The following ERC1 variants were observed in gnomAD, a reference collection of about 807,000 sequenced individuals.
The protein encoded by ERC1 is ELKS/RAB6-interacting/CAST family member 1.
ERC1 carries 56 observed loss-of-function variants against 132.0 expected under a neutral mutation model. That is an observed-to-expected ratio of 0.42 (90% CI 0.34 to 0.53). The LOEUF (loss-of-function observed/expected upper bound fraction) is 0.53, where lower values mean the gene tolerates loss of function less well. ERC1 is among the 20% of genes least tolerant of loss of function. ERC1 has a pLI of 0.03. For missense variants in ERC1, 1,202 were observed against 1,349.9 expected, an observed-to-expected ratio of 0.89 and a Z score of 1.72; for synonymous variants, 478 against 476.1, an observed-to-expected ratio of 1.00 and a Z score of -0.05.
chr12:1,400,916 A>ATTATTATT (rs2090981093), intron 16 of ERC1, among the ~76,000 whole-genome samples: 4 of 15,058 alleles, frequency 2.7e-4, no homozygotes, highest in African/African-American at 3.1e-4. Flanking sequence ...CTATTTTTGT[A>ATTATTATT]TTTTTTTTTT....
At chr12:1,253,805 A>G (rs1400158212) in intron 13 of ERC1, among the ~76,000 whole-genome samples, 4 of 152,174 alleles carry the variant, frequency 2.6e-5, no homozygotes, top group Admixed American at 2.0e-4. Context: ...GGGAGTTGCT[A>G]TAGAGTCCAG....
At chr12:1,145,557 C>T (rs1016055637) in intron 8 of ERC1, among the ~76,000 whole-genome samples, 3 of 152,260 alleles carry the variant, frequency 2.0e-5, no homozygotes, top group African/African-American at 7.2e-5. Context: ...ATTTCTTTTG[C>T]TGTGCAGAAA....
At chr12:1,279,299 A>G (rs73029107) in intron 14 of ERC1, among the ~76,000 whole-genome samples, 1 of 152,202 alleles carries the variant, frequency 6.6e-6, no homozygotes, top group East Asian at 1.9e-4. Flanking sequence ...AAATAACCCC[A>G]TGACATAGTA....
At chr12:1,119,375 T>A (rs979896074) in intron 7 of ERC1, among the ~76,000 whole-genome samples, 1 of 152,160 alleles carries the variant, frequency 6.6e-6, no homozygotes, top group African/African-American at 2.4e-5. Flanking sequence ...TTTAATCTGA[T>A]GACTTTCACA....
At chr12:1,165,710 C>T (rs184087983) in intron 8 of ERC1, among the ~76,000 whole-genome samples, 1 of 152,306 alleles carries the variant, frequency 6.6e-6, no homozygotes, top group African/African-American at 2.4e-5. Context: ...AAGCAAGATA[C>T]ATCTCAGAAC....
chr12:1,402,477 C>A (rs1460840108), intron 16 of ERC1, among the ~76,000 whole-genome samples: 1 of 150,816 alleles, frequency 6.6e-6, no homozygotes. Context: ...GAGCCGAGAT[C>A]ACACCACTGC....
rs2082190528 is a variant in ERC1, at chr12:1,322,649, G to GT, written c.2780+32640dup. Among the ~76,000 whole-genome samples the GT allele has an allele frequency of 2.0e-5, 3 of 152,196 alleles. 1 individual carries two copies. The East Asian group carries it at 5.8e-4, about 29-fold the overall frequency. On this transcript the variant is annotated intron_variant, in intron 15 of 18. Coordinates refer to ENST00000360905, the MANE Select transcript of ERC1 (RefSeq NM_178040.4). ...AATGATAATTCCATAATTCTCAGCT[G>GT]TTTCTTTTAGATTGACCTTTTCTCA...
At chr12:1,415,160 G>A (rs1485320846) in intron 17 of ERC1, among the ~76,000 whole-genome samples, 3 of 152,166 alleles carry the variant, frequency 2.0e-5, no homozygotes, top group African/African-American at 4.8e-5. Flanking sequence ...AATCCTTCGG[G>A]TAGAAACTTT....
At chr12:1,332,982 G>C (rs1295273678) in intron 15 of ERC1, among the ~76,000 whole-genome samples, 1 of 151,130 alleles carries the variant, frequency 6.6e-6, no homozygotes, top group African/African-American at 2.5e-5. Context: ...TCCTCGCCCG[G>C]GTATTAAGCC....
In ERC1 at chr12:1,160,696, A is replaced by G. The variant is rs541881132; in HGVS notation, c.1737+18909A>G. On this transcript the variant is annotated intron_variant, in intron 8 of 18. Coordinates refer to ENST00000360905, the MANE Select transcript of ERC1 (RefSeq NM_178040.4). Reference sequence around the variant, plus strand: ...ACTGCACTCCAGCCTGGGCGAAAGAACAAGACTCTGCCAAAAAAAAAATCA... The same window carrying G: ...ACTGCACTCCAGCCTGGGCGAAAGAGCAAGACTCTGCCAAAAAAAAAATCA... Among the ~76,000 whole-genome samples the G allele has an allele frequency of 4.9e-3, 748 of 152,250 alleles. 2 individuals are homozygous for G. The highest frequency in any genetic ancestry group is 8.5e-3 in the Non-Finnish European group (579 of 68,012).
chr12:1,338,617 T>C (rs1476753613), intron 15 of ERC1, among the ~76,000 whole-genome samples: 1 of 152,180 alleles, frequency 6.6e-6, no homozygotes, highest in African/African-American at 2.4e-5. Context: ...CACTCTGGCT[T>C]TTTGAGTTGT....
chr12:1,429,498 CTT>C (rs747120412), intron 17 of ERC1, among the ~76,000 whole-genome samples: 2 of 152,160 alleles, frequency 1.3e-5, no homozygotes, highest in African/African-American at 2.4e-5. Context: ...TGATGTGAAA[CTT>C]TTATTATTTT....
In ERC1 at chr12:1,028,544, A is replaced by G. The variant is rs1478431394; in HGVS notation, c.641A>G (p.Gln214Arg). ...TCCAAAATCACCATTTGGAAGGAAC[A>G]GTACAGAGTTGTACAGGAGGAAAAC... ...EASKITIWKE[Q>R]YRVVQEENQH... Residue 214 changes from glutamine to arginine, a missense_variant, in exon 2 of 19, where the codon CAG (glutamine) becomes CGG (arginine). Transcript: ENST00000360905. 6 of 1,613,718 alleles carry G rather than the reference A, an allele frequency of 3.7e-6. No individual in the cohort carries two copies. The highest frequency in any genetic ancestry group is 5.1e-6 in the Non-Finnish European group (6 of 1,179,954).
In ERC1 at chr12:1,440,599, T is replaced by TG. The variant is rs1165293591; in HGVS notation, c.3025-3963_3025-3962insG. Among the ~76,000 whole-genome samples the TG allele has an allele frequency of 1.1e-4, 12 of 109,154 alleles. 2 individuals are homozygous for TG. The highest frequency in any genetic ancestry group is 6.3e-4 in the South Asian group (2 of 3,152). 71.6% of individuals were successfully genotyped at this position (109,154 alleles called of 152,430 possible). ...TTAAGCAATCCCCCTGCCTCAGCCT[T>TG]TTGTGTGTGTGTGTGTGTGTGTGTG... On this transcript the variant is annotated intron_variant, in intron 17 of 18. Coordinates refer to ENST00000360905, the MANE Select transcript of ERC1 (RefSeq NM_178040.4).
intron 15 of ERC1, among the ~76,000 whole-genome samples, chr12:1,314,481 G>A (rs2081547456): frequency 6.6e-6 from 1 of 152,118 alleles, no homozygotes; most frequent in Non-Finnish European, 1.5e-5. Context: ...GTAAACGAGG[G>A]CAACTAGGTG....
chr12:1,123,360 CTGAGA>C (rs2154223710), intron 7 of ERC1, among the ~76,000 whole-genome samples: 1 of 151,992 alleles, frequency 6.6e-6, no homozygotes, highest in African/African-American at 2.4e-5. Context: ...AAAAAGAAGG[CTGAGA>C]TAAGTACAAA....
At chr12:1,456,148 A>T (rs908336215) in intron 18 of ERC1, among the ~76,000 whole-genome samples, 1 of 152,198 alleles carries the variant, frequency 6.6e-6, no homozygotes, top group Non-Finnish European at 1.5e-5. Flanking sequence ...GCAATGGCTC[A>T]TGTAGTTATA....
chr12:1,122,817 T>C (rs532617829), intron 7 of ERC1, among the ~76,000 whole-genome samples: 7 of 105,644 alleles, frequency 6.6e-5, no homozygotes, highest in Non-Finnish European at 2.1e-5. Context: ...TGTTGAGTTA[T>C]GGGGTAGGGG....
chr12:1,125,449 T>C lies in ERC1; in HGVS notation c.1569+9416T>C, dbSNP rs112464814. 3.5e-3 allele frequency among the ~76,000 whole-genome samples: 534 copies of C among 152,248 alleles called. 6 individuals carry two copies. The highest frequency in any genetic ancestry group is 9.6e-3 in the African/African-American group (399 of 41,520). ...AAAGATACTCCATGTCAATAGATGG[T>C]ATAATTTAATCCTGCAGGGATATCA... On this transcript the variant is annotated intron_variant, in intron 7 of 18. Coordinates refer to ENST00000360905, the MANE Select transcript of ERC1 (RefSeq NM_178040.4).
Sources: gnomAD v4.1 joint callset for allele counts (sites outside exome capture counted in the v4.1 genomes callset) on GRCh38, gnomAD v4.1.1 for gene constraint, MANE v1.5 for transcripts, NCBI Gene and HGNC (gene_info 2026-07-23, HGNC 2026-07-21) for gene names.